The following FXYD2 variants were observed in gnomAD, a reference collection of about 807,000 sequenced individuals.
FXYD2 encodes the protein FXYD domain containing ion transport regulator 2, also known as sodium/potassium-transporting ATPase subunit gamma.
FXYD2 carries 8 observed loss-of-function variants against 11.8 expected under a neutral mutation model. The observed-to-expected ratio is 0.68, with a 90% CI of 0.40 to 1.22. The LOEUF (loss-of-function observed/expected upper bound fraction) is 1.22. Ranked by LOEUF, FXYD2 falls within the 50% of genes most tolerant of loss-of-function variation. The pLI, the probability that FXYD2 is intolerant of heterozygous loss-of-function variation, is 0.01. For synonymous variants in FXYD2, 42 were observed against 33.3 expected (o/e 1.26, Z -0.90); for missense variants, 92 against 91.8 (o/e 1.00, Z -0.01).
chr11:117,822,614 G>A lies in FXYD2; in HGVS notation c.64+65C>T. On this transcript the variant is annotated intron_variant, in intron 2 of 5. Transcript: ENST00000292079. This position sits in a 1 kb window ranked among gnomAD's most constrained non-coding sequence, Gnocchi z 4.7. ...ACAGAGCATGGACCTGGGGCTGGGA[G>A]AGGCCGCTGCTTGGTGGAAGGGGTC... The A allele has an allele frequency of 6.3e-7, 1 of 1,588,246 alleles. No individual in the cohort carries two copies. The highest frequency in any genetic ancestry group is 8.6e-7 in the Non-Finnish European group (1 of 1,168,462).
chr11:117,822,583 A>C lies in FXYD2; in HGVS notation c.64+96T>G. ...CAGCCCGTGGTAACCAGGGGAGATA[A>C]GGGGCACAGAGCATGGACCTGGGGC... On this transcript the variant is annotated intron_variant, in intron 2 of 5. Transcript: ENST00000292079. The surrounding 1 kb of genome is among the most constrained non-coding windows in gnomAD (Gnocchi z 4.7). 1 of 1,569,324 alleles carries C rather than the reference A, an allele frequency of 6.4e-7. No homozygotes were observed. Among genetic ancestry groups the C allele is most frequent in the Non-Finnish European group, 8.6e-7 (1 of 1,157,056 alleles).
At chr11:117,826,464 A>G (rs139998784), upstream of FXYD2, among the ~76,000 whole-genome samples, 31 of 152,306 alleles carry the variant, frequency 2.0e-4, no homozygotes, top group East Asian at 5.2e-3. Context: ...TTTGCTTTCC[A>G]CAATAGCCCC....
In FXYD2 at chr11:117,824,635, C is replaced by T. The variant is rs377559962; in HGVS notation, c.25+19G>A. On this transcript the variant is annotated intron_variant, in intron 1 of 5. Coordinates refer to ENST00000292079, the MANE Select transcript of FXYD2 (RefSeq NM_001680.5). This position sits in a 1 kb window ranked among gnomAD's most constrained non-coding sequence, Gnocchi z 4.0. Reference sequence around the variant, plus strand: ...ACCCAGCATTGCACACGCCCGGGCACGCACACCAGCACACTCACCACCGTC... The same window carrying T: ...ACCCAGCATTGCACACGCCCGGGCATGCACACCAGCACACTCACCACCGTC... 20 of 1,608,622 alleles carry T rather than the reference C, an allele frequency of 1.2e-5. No homozygotes were observed. Among genetic ancestry groups the T allele is most frequent in the Middle Eastern group, 1.6e-4 (1 of 6,080 alleles).
intron 4 of FXYD2, 80 bp from the exon 5 acceptor site, chr11:117,820,776 C>T: frequency 1.2e-6 from 2 of 1,613,258 alleles, no homozygotes; most frequent in Non-Finnish European, 1.7e-6. Flanking sequence ...GGGGATCCTC[C>T]ACTGTGTCAG....
At position 117,822,539 on chromosome 11, in the gene FXYD2, C is replaced by A. The variant is rs758423786; in HGVS notation, c.65-59G>T. The A allele has an allele frequency of 2.6e-6, 4 of 1,556,190 alleles. No homozygotes were observed. The Admixed American group carries it at 7.8e-5, about 30-fold the overall frequency. On this transcript the variant is annotated intron_variant, in intron 2 of 5. Coordinates refer to ENST00000292079, the MANE Select transcript of FXYD2 (RefSeq NM_001680.5). This position sits in a 1 kb window ranked among gnomAD's most constrained non-coding sequence, Gnocchi z 4.7. ...GTGGTCTCTCCCAGCAGCTGTCTCTCTCCGCAGCCTGCCCGCAGCAGCCCG... is the reference window on the plus strand; with the variant it reads ...GTGGTCTCTCCCAGCAGCTGTCTCTATCCGCAGCCTGCCCGCAGCAGCCCG...
chr11:117,824,833 T>A, upstream of FXYD2: 1 of 992,490 alleles, frequency 1.0e-6, no homozygotes, highest in Non-Finnish European at 1.5e-6. The surrounding 1 kb of genome is among the most constrained non-coding windows in gnomAD (Gnocchi z 4.0). Flanking sequence ...CAAGAAAAGC[T>A]GCAGTGTGGA....
chr11:117,827,781 C>T (rs539356413), upstream of FXYD2, among the ~76,000 whole-genome samples: 12 of 152,196 alleles, frequency 7.9e-5, no homozygotes, highest in Non-Finnish European at 1.6e-4. Flanking sequence ...TGGACAGCTG[C>T]CTTCCCAGCC....
chr11:117,820,581 C>T (rs1232499036), intron 5 of FXYD2, 85 bp downstream of exon 5: 6 of 1,557,440 alleles, frequency 3.9e-6, no homozygotes, highest in African/African-American at 1.4e-5. Context: ...TTCTTATTTA[C>T]CGAGTCCAGG....
At chr11:117,823,697 G>A (rs919397666) in intron 1 of FXYD2, among the ~76,000 whole-genome samples, 1 of 152,244 alleles carries the variant, frequency 6.6e-6, no homozygotes, top group African/African-American at 2.4e-5. Flanking sequence ...ACTCTTTCCT[G>A]CCCTGCCGGA....
In FXYD2 at chr11:117,822,653, A is replaced by T. The variant is rs1301864285; in HGVS notation, c.64+26T>A. On this transcript the variant is annotated intron_variant, in intron 2 of 5. Coordinates refer to ENST00000292079, the MANE Select transcript of FXYD2 (RefSeq NM_001680.5). The surrounding 1 kb of genome is among the most constrained non-coding windows in gnomAD (Gnocchi z 4.7). ...GTGGAAGGGGTCCTGAGGGCTCAGG[A>T]AGGGTGCGCAGGGGCCCAGGCTTAC... 2 of 1,606,766 alleles carry T rather than the reference A, an allele frequency of 1.2e-6. No homozygotes were observed. Among genetic ancestry groups the T allele is most frequent in the Admixed American group, 3.4e-5 (2 of 58,708 alleles).
upstream of FXYD2, among the ~76,000 whole-genome samples, chr11:117,827,776 A>G (rs567316204): frequency 9.5e-4 from 145 of 152,336 alleles, 2 homozygotes; most frequent in South Asian, 0.029. Flanking sequence ...GCAGTTGGAC[A>G]GCTGCCTTCC....
At chr11:117,820,640 A>G in intron 5 of FXYD2, 26 bp downstream of exon 5, 1 of 1,613,304 alleles carries the variant, frequency 6.2e-7, no homozygotes. Flanking sequence ...CCCTCCCCGC[A>G]CCTTCCCCAG....
At chr11:117,821,369 C>T in intron 3 of FXYD2, 6 of 989,822 alleles carry the variant, frequency 6.1e-6, no homozygotes, top group Non-Finnish European at 7.2e-6. Flanking sequence ...CCTTCTCTCT[C>T]TTTATATAAG....
At chr11:117,821,964 C>T in intron 3 of FXYD2, 5 of 1,062,936 alleles carry the variant, frequency 4.7e-6, no homozygotes, top group Non-Finnish European at 5.7e-6. Context: ...CTCTCTTTGT[C>T]TCCCCCAGAA....
chr11:117,821,134 G>A, intron 3 of FXYD2: 1 of 423,236 alleles, frequency 2.4e-6, no homozygotes, highest in Non-Finnish European at 3.8e-6. Context: ...GTAGCTCACT[G>A]CAGCCTCAAA....
chr11:117,827,098 AG>A (rs1591539060), upstream of FXYD2, among the ~76,000 whole-genome samples: 1 of 100,572 alleles, frequency 9.9e-6, no homozygotes, highest in Non-Finnish European at 2.0e-5. Flanking sequence ...ATAGATAGAT[AG>A]ATAGATAGAT....
chr11:117,821,665 GCAGGACTGTGGC>G (rs1205751263), intron 3 of FXYD2: 65 of 961,358 alleles, frequency 6.8e-5, no homozygotes, highest in Non-Finnish European at 7.8e-5. Flanking sequence ...GGGGAGACCT[GCAGGACTGTGGC>G]CCGAGCCTTG....
At chr11:117,827,746 T>C (rs1054645709), upstream of FXYD2, among the ~76,000 whole-genome samples, 3 of 152,194 alleles carry the variant, frequency 2.0e-5, no homozygotes, top group Non-Finnish European at 4.4e-5. Flanking sequence ...AAGGGACGGA[T>C]GGACAGACAA....
chr11:117,822,118 G>C lies in FXYD2; in HGVS notation c.139+288C>G, dbSNP rs1015432959. Reference sequence around the variant, plus strand: ...ACCATGGTTAGCAGCGGGGGGCCTAGTCCCCCTGTCTGGCCCTCCGGTTAC... The same window carrying C: ...ACCATGGTTAGCAGCGGGGGGCCTACTCCCCCTGTCTGGCCCTCCGGTTAC... On this transcript the variant is annotated intron_variant, in intron 3 of 5. Transcript: ENST00000292079. This position sits in a 1 kb window ranked among gnomAD's most constrained non-coding sequence, Gnocchi z 4.7. 2.2e-6 allele frequency: 3 copies of C among 1,367,384 alleles called. No individual in the cohort carries two copies. The highest frequency in any genetic ancestry group is 2.9e-5 in the African/African-American group (2 of 68,338). The allele number at this position is 1,367,384 out of a possible 1,614,324, so 84.7% of individuals were successfully genotyped here.
Sources: gnomAD v4.1 joint callset for allele counts (sites outside exome capture counted in the v4.1 genomes callset) on GRCh38, gnomAD v4.1.1 for gene constraint, Gnocchi (gnomAD v3.1) non-coding constraint, MANE v1.5 for transcripts, NCBI Gene and HGNC (gene_info 2026-07-23, HGNC 2026-07-21) for gene names.